HMCN2: variants seen among roughly 807,000 people sequenced by gnomAD.
HMCN2 encodes the protein hemicentin 2, also known as hemicentin-2.
A neutral mutation model predicts 377.5 loss-of-function variants in HMCN2; 325 were observed. The ratio of observed to expected loss-of-function variants is 0.86; its 90% CI spans 0.79 to 0.94. The LOEUF is 0.94. Ranked by LOEUF, HMCN2 falls within the 40% of genes least tolerant of loss-of-function variation. The probability of loss-of-function intolerance (pLI) is 0.00; values close to 1 mark genes in which losing one functional copy is unlikely to be tolerated. For synonymous variants in HMCN2, 2,007 were observed against 2,046.8 expected, an observed-to-expected ratio of 0.98 and a Z score of 0.53; for missense variants, 4,543 against 4,725.3, an observed-to-expected ratio of 0.96 and a Z score of 1.13.
intron 40 of HMCN2, among the ~76,000 whole-genome samples, chr9:130,364,109 T>C (rs7047329): frequency 0.8 from 121,379 of 152,202 alleles, 50,357 homozygotes; most frequent in East Asian, 0.93. Flanking sequence ...TGGTGGTTAA[T>C]ACATATTGTA....
At position 130,423,470 on chromosome 9, in the gene HMCN2, C is replaced by T. The variant is rs1376197943; in HGVS notation, c.13381+744C>T. Among the ~76,000 whole-genome samples the T allele has an allele frequency of 6.6e-6, 1 of 152,234 alleles. No individual in the cohort carries two copies. The highest frequency in any genetic ancestry group is 3.2e-3 in the Middle Eastern group (1 of 316). ...GGCTGTCAGCAGACAGCAGATGAAG[C>T]GAGACGCTGCCCAGACATGGCTGCT... On this transcript the variant is annotated intron_variant, in intron 87 of 97. Coordinates refer to ENST00000683500, the MANE Select transcript of HMCN2 (RefSeq NM_001291815.2). This position sits in a 1 kb window ranked among gnomAD's most constrained non-coding sequence, Gnocchi z 5.5.
intron 85 of HMCN2, among the ~76,000 whole-genome samples, chr9:130,413,631 TG>T (rs2131763621): frequency 6.6e-6 from 1 of 152,306 alleles, no homozygotes; most frequent in East Asian, 1.9e-4. Context: ...AGGAGCAGCA[TG>T]GTGGTGAATG....
chr9:130,352,811 C>T (rs1471514293), intron 30 of HMCN2, 116 bp from the exon 31 acceptor site: 11 of 859,778 alleles, frequency 1.3e-5, no homozygotes, highest in East Asian at 1.4e-4. Context: ...TCCCTGCCCC[C>T]GCAATGGAAG....
At chr9:130,432,340 C>A in intron 96 of HMCN2, 89 bp from the exon 97 acceptor site, 1 of 1,270,246 alleles carries the variant, frequency 7.9e-7, no homozygotes. Context: ...CACTGGTCCC[C>A]CAAAGGTACT....
chr9:130,302,861 T>A lies in HMCN2; in HGVS notation c.1281T>A (p.Ala427=), dbSNP rs1554934975. The part of the protein sequence containing the change: ...GVSYSGVAPG[A]PLVSMAPRIH... ...AGTCCTGGTCCCCGCCTACAGGCGC[T>A]CCCCTCGTCAGCATGGCCCCCAGGA... The change falls in exon 9 of 98, where the codon GCT becomes GCA. Residue 427 remains alanine, a synonymous_variant. Transcript: ENST00000683500. 5 of 463,736 alleles carry A rather than the reference T, an allele frequency of 1.1e-5. No homozygotes were observed. 28.7% of individuals were successfully genotyped at this position (463,736 alleles called of 1,614,324 possible). A position where few individuals can be genotyped will look rare whatever the true frequency, so the allele number is the denominator to read the frequency against.
intron 31 of HMCN2, 121 bp downstream of exon 31, chr9:130,353,326 T>A: frequency 1.2e-6 from 1 of 809,140 alleles, no homozygotes; most frequent in Non-Finnish European, 1.7e-6. Flanking sequence ...GGCAAAAGGA[T>A]AATGGGACCA....
rs1292640229 is a variant in HMCN2, at chr9:130,431,479, C to T, written c.14760C>T (p.Asn4920=). 12 of 1,549,198 alleles carry T rather than the reference C, an allele frequency of 7.7e-6. No homozygotes were observed. The highest frequency in any genetic ancestry group is 8.7e-6 in the Non-Finnish European group (10 of 1,146,760). ...ACCGTCTGCTCCCCAGCGGGAAGAA[C>T]TGCCAGGGTGAGCCGGGCTCAGGCC... The part of the protein sequence containing the change: ...AGYRLLPSGK[N]CQDINECEEE... Residue 4920 remains asparagine (N), a synonymous_variant, in exon 96 of 98, where the codon AAC becomes AAT. Coordinates refer to ENST00000683500, the MANE Select transcript of HMCN2 (RefSeq NM_001291815.2).
At chr9:130,287,974 G>A (rs1348878318) in intron 4 of HMCN2, among the ~76,000 whole-genome samples, 2 of 152,324 alleles carry the variant, frequency 1.3e-5, no homozygotes, top group Non-Finnish European at 2.9e-5. Flanking sequence ...TTGACAGATG[G>A]CGTTTATGGT....
chr9:130,373,689 A>G (rs562614155), intron 48 of HMCN2, among the ~76,000 whole-genome samples: 2 of 130,000 alleles, frequency 1.5e-5, no homozygotes, highest in African/African-American at 2.7e-5. Flanking sequence ...GGATGGATGG[A>G]TAGATGGATG....
chr9:130,425,596 A>C, intron 89 of HMCN2, 91 bp from the exon 90 acceptor site: 1 of 944,820 alleles, frequency 1.1e-6, no homozygotes, highest in Middle Eastern at 2.2e-4. Context: ...GGGAGTTGAA[A>C]TCTCAGCATT....
rs1488900896 is a variant in HMCN2, at chr9:130,360,782, A to G, written c.5950+178A>G. On this transcript the variant is annotated intron_variant, in intron 38 of 97. Transcript: ENST00000683500. This position sits in a 1 kb window ranked among gnomAD's most constrained non-coding sequence, Gnocchi z 4.7. Reference sequence around the variant, plus strand: ...CATCCATCCATCCATCCATCCATCCATCCATCCCACCCATCCATCCACCCA... The same window carrying G: ...CATCCATCCATCCATCCATCCATCCGTCCATCCCACCCATCCATCCACCCA... Among the ~76,000 whole-genome samples, 1 of 147,512 alleles carries G rather than the reference A, an allele frequency of 6.8e-6. No individual in the cohort carries two copies. The highest frequency in any genetic ancestry group is 2.5e-5 in the African/African-American group (1 of 39,538).
At chr9:130,390,195 C>G (rs529833470) in intron 62 of HMCN2, among the ~76,000 whole-genome samples, 1 of 152,326 alleles carries the variant, frequency 6.6e-6, no homozygotes, top group Admixed American at 6.5e-5. Context: ...CCCCGGCTGA[C>G]TACTGCTCAA....
Position 130,425,714 on chromosome 9 carries a change from G to A in HMCN2, c.13669G>A (p.Gly4557Arg). 1 of 1,336,454 alleles carries A rather than the reference G, an allele frequency of 7.5e-7. No homozygotes were observed. The highest frequency in any genetic ancestry group is 9.9e-7 in the Non-Finnish European group (1 of 1,012,634). The allele number at this position is 1,336,454 out of a possible 1,614,324, so 82.8% of individuals were successfully genotyped here. A position where few individuals can be genotyped will look rare whatever the true frequency, so the allele number is the denominator to read the frequency against. The change falls in exon 90 of 98, where the codon GGG (glycine) becomes AGG (arginine). Residue 4557 changes from glycine (G) to arginine (R), a missense_variant. Gly to Arg is a moderately radical substitution (Grantham distance 125). This residue lies in a region of HMCN2 where 1,155 missense variants were observed against 1,157.7 expected (regional missense o/e 1.00). Coordinates refer to ENST00000683500, the MANE Select transcript of HMCN2 (RefSeq NM_001291815.2). Reference sequence around the variant, plus strand: ...CTTTGAGGAGCACTACGTGCAAACAGGGCCTGGCCAGCTGTTCGTGGGCTC... The same window carrying A: ...CTTTGAGGAGCACTACGTGCAAACAAGGCCTGGCCAGCTGTTCGTGGGCTC... ...QDFEEHYVQT[G>R]PGQLFVGSTQ...
Position 130,433,917 on chromosome 9 carries a change from T to G in HMCN2, c.*224T>G. 2.9e-5 allele frequency: 13 copies of G among 441,890 alleles called. No homozygotes were observed. Among genetic ancestry groups the G allele is most frequent in the East Asian group, 3.9e-5 (1 of 25,600 alleles). 27.4% of individuals were successfully genotyped at this position (441,890 alleles called of 1,614,324 possible). On this transcript the variant is annotated 3_prime_UTR_variant, in exon 98 of 98. Transcript: ENST00000683500. ...TCCAGGGCGGCCCTTGGGTGGCCAG[T>G]CCCGCAGGCAGGGCCCGGGGAAGCC...
intron 15 of HMCN2, among the ~76,000 whole-genome samples, chr9:130,312,125 C>A (rs1837276701): frequency 6.6e-6 from 1 of 152,202 alleles, no homozygotes; most frequent in Non-Finnish European, 1.5e-5. Context: ...GGTTTCATGT[C>A]TTGCCCAAGA....
chr9:130,387,470 C>T (rs576927932), intron 61 of HMCN2, among the ~76,000 whole-genome samples: 3 of 152,272 alleles, frequency 2.0e-5, no homozygotes, highest in Non-Finnish European at 2.9e-5. Flanking sequence ...GACACGGCAT[C>T]GTGTCCTGGC....
At chr9:130,395,475 C>T in intron 71 of HMCN2, 128 bp downstream of exon 71, 1 of 769,100 alleles carries the variant, frequency 1.3e-6, no homozygotes, top group South Asian at 1.9e-5. Flanking sequence ...GCACCCTGTT[C>T]CCCGGGTGTC....
rs571399667 is a variant in HMCN2, at chr9:130,384,449, C to T, written c.8907C>T (p.Asp2969=). The change falls in exon 58 of 98, where the codon GAC becomes GAT. Residue 2969 remains aspartate, a synonymous_variant. Transcript: ENST00000683500. ...ACAGCAGCGTCTCCCTCCCTTGCGA[C>T]GTCCACGCTCACCCAAACCCCGAGG... is the stretch of plus-strand genomic sequence containing the variant. The part of the protein sequence containing the change: ...ILNSSVSLPC[D]VHAHPNPEVT... 201 of 1,304,200 alleles carry T rather than the reference C, an allele frequency of 1.5e-4. No individual in the cohort carries two copies. The highest frequency in any genetic ancestry group is 1.2e-3 in the East Asian group (22 of 18,032). 80.8% of individuals were successfully genotyped at this position (1,304,200 alleles called of 1,614,324 possible).
chr9:130,416,088 T>G (rs1843670853), intron 85 of HMCN2, among the ~76,000 whole-genome samples: 1 of 146,146 alleles, frequency 6.8e-6, no homozygotes, highest in Non-Finnish European at 1.5e-5. Flanking sequence ...TATCCAAAGT[T>G]CTAGAGGCTT....
Sources: allele counts gnomAD v4.1 joint callset (sites outside exome capture counted in the v4.1 genomes callset), GRCh38; gene constraint gnomAD v4.1.1; regional missense constraint gnomAD v4.1.1; non-coding constraint Gnocchi (gnomAD v3.1); transcripts MANE v1.5; gene names NCBI Gene and HGNC (gene_info 2026-07-23, HGNC 2026-07-21).